IDUA: variants seen among roughly 807,000 people sequenced by gnomAD.
The protein encoded by IDUA is iduronidase alpha-L-.
Under a neutral mutation model 68.9 loss-of-function variants are expected in IDUA, and 65 were observed. The ratio of observed to expected loss-of-function variants is 0.94; its 90% CI spans 0.77 to 1.16. IDUA has a LOEUF of 1.16. Among genes scored for constraint, IDUA ranks in the 50% most tolerant of loss-of-function variants. The probability of loss-of-function intolerance (pLI) is 0.00; values close to 1 mark genes in which losing one functional copy is unlikely to be tolerated. For missense variants in IDUA, 1,046 were observed against 938.0 expected (o/e 1.12, Z -1.50); for synonymous variants, 529 against 433.6 (o/e 1.22, Z -2.73).
At chr4:997,704 C>G (rs1714825935) in intron 2 of IDUA, among the ~76,000 whole-genome samples, 2 of 152,180 alleles carry the variant, frequency 1.3e-5, no homozygotes, top group Non-Finnish European at 2.9e-5. Flanking sequence ...GGCCCAGTCC[C>G]CTCCCCAGCG....
chr4:990,709 A>G (rs1714221951), intron 2 of IDUA: 1 of 410,826 alleles, frequency 2.4e-6, no homozygotes, highest in Non-Finnish European at 4.4e-6. Context: ...CATGGTGCCC[A>G]CTGCCCCCCA....
intron 2 of IDUA, among the ~76,000 whole-genome samples, chr4:998,998 A>G (rs1285680302): frequency 7.2e-5 from 11 of 152,028 alleles, no homozygotes; most frequent in Admixed American, 1.3e-4. Context: ...AGGTCAGGAA[A>G]TGGAAACCAT....
intron 2 of IDUA, chr4:991,727 C>T (rs543330138): frequency 9.0e-5 from 137 of 1,530,680 alleles, no homozygotes; most frequent in Middle Eastern, 6.9e-4. Context: ...GTCCCGTGGC[C>T]GACCTGCGGC....
At chr4:989,568 CACCTT>C in intron 2 of IDUA, 1 of 1,591,066 alleles carries the variant, frequency 6.3e-7, no homozygotes, top group South Asian at 1.1e-5. Context: ...GGAGGTCCCA[CACCTT>C]GCGCAGGGCC....
At chr4:993,095 T>C (rs1714496894) in intron 2 of IDUA, among the ~76,000 whole-genome samples, 1 of 152,068 alleles carries the variant, frequency 6.6e-6, no homozygotes, top group Non-Finnish European at 1.5e-5. Context: ...TCCCCTTCCC[T>C]GGAAGACCCC....
chr4:991,821 A>G (rs915390476), intron 2 of IDUA: 8 of 1,532,970 alleles, frequency 5.2e-6, no homozygotes, highest in Non-Finnish European at 7.0e-6. Context: ...CTTGGGGCGG[A>G]CCCCTCGCCC....
chr4:1,004,416 T>C lies in IDUA; in HGVS notation c.*23T>C, dbSNP rs777539521. 6.2e-7 allele frequency: 1 copy of C among 1,608,470 alleles called. No homozygotes were observed. Among genetic ancestry groups the C allele is most frequent in the South Asian group, 1.1e-5 (1 of 91,004 alleles). On this transcript the variant is annotated 3_prime_UTR_variant, in exon 14 of 14. Transcript: ENST00000514224. This position sits in a 1 kb window ranked among gnomAD's most constrained non-coding sequence, Gnocchi z 5.0. Reference sequence around the variant, plus strand: ...TGAGCCTGTGCTGAGCCCCAGTGGGTTGCACCTCCACCGGCAGTCAGCGAG... The same window carrying C: ...TGAGCCTGTGCTGAGCCCCAGTGGGCTGCACCTCCACCGGCAGTCAGCGAG...
At chr4:988,411 G>A in intron 2 of IDUA, 2 of 1,059,162 alleles carry the variant, frequency 1.9e-6, no homozygotes, top group Non-Finnish European at 2.3e-6. Context: ...CGTGCACTTG[G>A]CCAGAGCCGC....
At chr4:989,694 G>A in intron 2 of IDUA, 3 of 1,562,310 alleles carry the variant, frequency 1.9e-6, no homozygotes, top group Non-Finnish European at 2.6e-6. Flanking sequence ...TGACCACGCT[G>A]GACAGCTGTG....
intron 7 of IDUA, 25 bp downstream of exon 7, chr4:1,002,186 G>GC (rs756529806): frequency 2.6e-6 from 4 of 1,559,852 alleles, no homozygotes; most frequent in Non-Finnish European, 2.6e-6. Context: ...CGCCCTGCGC[G>GC]CCCCCCGGCC....
chr4:1,000,742 C>T (rs766685018), intron 3 of IDUA, 45 bp downstream of exon 3: 27 of 1,507,664 alleles, frequency 1.8e-5, no homozygotes, highest in Non-Finnish European at 2.2e-5. Context: ...CACCCCCTTG[C>T]CCTGCCCACC....
rs771638166 is a variant in IDUA at position 1,004,429 on chromosome 4, G to A, written c.*36G>A. On this transcript the variant is annotated 3_prime_UTR_variant, in exon 14 of 14. Transcript: ENST00000514224. This position sits in a 1 kb window ranked among gnomAD's most constrained non-coding sequence, Gnocchi z 5.0. ...AGCCCCAGTGGGTTGCACCTCCACC[G>A]GCAGTCAGCGAGCTGGGGCTGCACT... 3.7e-5 allele frequency: 60 copies of A among 1,605,860 alleles called. No homozygotes were observed. Among genetic ancestry groups the A allele is most frequent in the Middle Eastern group, 4.3e-4 (2 of 4,654 alleles).
chr4:1,002,095 G>A lies in IDUA; in HGVS notation c.906G>A (p.Pro302=). The change falls in exon 7 of 14, where the codon CCG becomes CCA. Residue 302 remains proline, a synonymous_variant. Coordinates refer to ENST00000514224, the MANE Select transcript of IDUA (RefSeq NM_000203.5). ...CCATTTACAACGACGAGGCGGACCC[G>A]CTGGTGGGCTGGTCCCTGCCACAGC... ...DTPIYNDEAD[P]LVGWSLPQPW... 6.4e-7 allele frequency: 1 copy of A among 1,573,890 alleles called. No homozygotes were observed. Among genetic ancestry groups the A allele is most frequent in the Non-Finnish European group, 8.6e-7 (1 of 1,160,672 alleles).
chr4:995,429 C>T (rs1447158446), intron 2 of IDUA, among the ~76,000 whole-genome samples: 13 of 152,110 alleles, frequency 8.5e-5, no homozygotes, highest in Admixed American at 2.6e-4. Context: ...GGAGCCTGCA[C>T]GGGGCACCTG....
At chr4:995,908 A>T (rs1327282179) in intron 2 of IDUA, among the ~76,000 whole-genome samples, 3 of 151,916 alleles carry the variant, frequency 2.0e-5, no homozygotes, top group Non-Finnish European at 4.4e-5. Flanking sequence ...TAAGTGTGAG[A>T]TGTGGACAGG....
chr4:989,758 G>C (rs770739008), intron 2 of IDUA: 1 of 1,558,472 alleles, frequency 6.4e-7, no homozygotes, highest in Non-Finnish European at 8.7e-7. Flanking sequence ...GGCGCTGGTG[G>C]CGAAGCAGTG....
Position 987,882 on chromosome 4 carries a change from G to A in IDUA, c.232G>A (p.Gly78Ser), listed in dbSNP as rs1053047352. ...WDQQLNLAYV[G>S]AVPHRGIKQV... ...CCAGCAGCTCAACCTCGCCTATGTG[G>A]GCGCCGTCCCTCACCGCGGCATCAA... The change falls in exon 2 of 14, where the codon GGC (glycine) becomes AGC (serine). Residue 78 changes from glycine (G) to serine (S), a missense_variant. Gly to Ser is a moderately conservative substitution (Grantham distance 56). Coordinates refer to ENST00000514224, the MANE Select transcript of IDUA (RefSeq NM_000203.5). The A allele has an allele frequency of 1.3e-5, 21 of 1,611,774 alleles. 1 individual carries two copies. In the East Asian group the frequency reaches 2.0e-4, roughly 15 times the overall value.
intron 2 of IDUA, among the ~76,000 whole-genome samples, chr4:997,391 C>G (rs1039153620): frequency 6.7e-6 from 1 of 150,094 alleles, no homozygotes; most frequent in African/African-American, 2.4e-5. Flanking sequence ...CGCGCGGTCT[C>G]CCCCCACCGC....
Position 1,001,485 on chromosome 4 carries a change from C to G in IDUA, c.511C>G (p.His171Asp), listed in dbSNP as rs778980678. ...CTCTGCAGGTAGGTACGGACTGGCG[C>G]ATGTTTCCAAGTGGAACTTCGAGAC... The part of the protein sequence containing the change: ...RRYIGRYGLA[H>D]VSKWNFETWN... Residue 171 changes from histidine to aspartate, a missense_variant, in exon 5 of 14, where the codon CAT becomes GAT. Transcript: ENST00000514224. 5.0e-6 allele frequency: 8 copies of G among 1,613,002 alleles called. No individual in the cohort carries two copies. The highest frequency in any genetic ancestry group is 5.9e-6 in the Non-Finnish European group (7 of 1,179,932).
Sources: allele counts gnomAD v4.1 joint callset (sites outside exome capture counted in the v4.1 genomes callset), GRCh38; gene constraint gnomAD v4.1.1; non-coding constraint Gnocchi (gnomAD v3.1); transcripts MANE v1.5; gene names NCBI Gene and HGNC (gene_info 2026-07-23, HGNC 2026-07-21).